Variants in NRXN3 observed in about 807,000 individuals in gnomAD.
The protein encoded by NRXN3 is neurexin 3, also known as neurexin III.
NRXN3 carries 32 observed loss-of-function variants against 137.6 expected under a neutral mutation model. The ratio of observed to expected loss-of-function variants is 0.23; its 90% CI spans 0.18 to 0.31. The LOEUF (loss-of-function observed/expected upper bound fraction) is 0.31, where lower values mean the gene tolerates loss of function less well. NRXN3 is among the 10% of genes least tolerant of loss of function. NRXN3 has a pLI of 1.00. For missense variants in NRXN3, 1,574 were observed against 2,062.5 expected (o/e 0.76, Z 4.59); for synonymous variants, 798 against 784.5 (o/e 1.02, Z -0.29).
intron 8 of NRXN3, among the ~76,000 whole-genome samples, chr14:78,772,412 C>T (rs1440537966): frequency 1.3e-5 from 2 of 152,144 alleles, no homozygotes; most frequent in Non-Finnish European, 2.9e-5. Flanking sequence ...TTCTGATCCT[C>T]CTTGCACTAC....
chr14:79,336,707 A>T (rs991304315), intron 15 of NRXN3, among the ~76,000 whole-genome samples: 3 of 152,188 alleles, frequency 2.0e-5, no homozygotes, highest in Non-Finnish European at 4.4e-5. Flanking sequence ...ATACATTGGA[A>T]GCAAGGCCCC....
At chr14:78,836,908 A>G (rs2098998686) in intron 10 of NRXN3, among the ~76,000 whole-genome samples, 1 of 152,168 alleles carries the variant, frequency 6.6e-6, no homozygotes, top group Non-Finnish European at 1.5e-5. Flanking sequence ...GCCGGAGAAG[A>G]TCCACACTTC....
chr14:79,481,338 G>A (rs1244648579), intron 16 of NRXN3, among the ~76,000 whole-genome samples: 2 of 151,986 alleles, frequency 1.3e-5, no homozygotes, highest in Non-Finnish European at 2.9e-5. Context: ...ATATGCTCAC[G>A]AGTCACTTAA....
intron 19 of NRXN3, among the ~76,000 whole-genome samples, chr14:79,774,775 G>T (rs757941672): frequency 4.6e-5 from 7 of 152,170 alleles, no homozygotes; most frequent in Non-Finnish European, 8.8e-5. Flanking sequence ...GTGCTAAGTA[G>T]ATGACTGATG....
At chr14:79,655,375 C>A (rs748615333) in intron 16 of NRXN3, among the ~76,000 whole-genome samples, 5 of 152,122 alleles carry the variant, frequency 3.3e-5, no homozygotes, top group African/African-American at 1.2e-4. Context: ...GAGAGCTTAT[C>A]GATACATACT....
In NRXN3 at chr14:78,532,844, AT is replaced by A. The variant is rs1320627509; in HGVS notation, c.758-112271del. On this transcript the variant is annotated intron_variant, in intron 4 of 20. Coordinates refer to ENST00000335750, the MANE Select transcript of NRXN3 (RefSeq NM_001330195.2). ...TGAATCATGCCTAGGTCAATGATTT[AT>A]TTTTCCACCAAACTTGCTATTCTTC... Among the ~76,000 whole-genome samples the A allele has an allele frequency of 7.9e-5, 12 of 151,076 alleles. No individual in the cohort carries two copies. In the East Asian group the frequency reaches 1.4e-3, roughly 17 times the overall value.
chr14:78,721,359 C>T (rs768046100), intron 8 of NRXN3, among the ~76,000 whole-genome samples: 14 of 152,108 alleles, frequency 9.2e-5, no homozygotes, highest in Non-Finnish European at 1.8e-4. Flanking sequence ...GGAGATGGAT[C>T]CTCTGACCTT....
At chr14:79,705,418 C>T (rs1041095474) in intron 19 of NRXN3, among the ~76,000 whole-genome samples, 5 of 152,172 alleles carry the variant, frequency 3.3e-5, no homozygotes, top group Admixed American at 6.5e-5. Flanking sequence ...AGGGTGAAAC[C>T]GGTGAGGCAG....
Position 79,580,381 on chromosome 14 carries a change from A to C in NRXN3, c.3445-83397A>C, listed in dbSNP as rs80003530. On this transcript the variant is annotated intron_variant, in intron 16 of 20. Coordinates refer to ENST00000335750, the MANE Select transcript of NRXN3 (RefSeq NM_001330195.2). ...GAATTGTGAAGGGAAAGCAGAATTA[A>C]ATTTTCTGTCTCTTTAAACTCAGTC... 9.9e-3 allele frequency among the ~76,000 whole-genome samples: 1,503 copies of C among 152,028 alleles called. 107 individuals carry two copies. In the East Asian group the frequency reaches 0.21, roughly 21 times the overall value.
intron 4 of NRXN3, among the ~76,000 whole-genome samples, chr14:78,537,777 A>G (rs895302183): frequency 5.3e-5 from 8 of 152,110 alleles, no homozygotes; most frequent in Non-Finnish European, 8.8e-5. Flanking sequence ...ATCTTGAATT[A>G]ATTTTTGTAT....
chr14:78,282,696 G>T (rs921257016), intron 3 of NRXN3, among the ~76,000 whole-genome samples: 1 of 152,094 alleles, frequency 6.6e-6, no homozygotes. Flanking sequence ...CTTGATCTCC[G>T]CCCCGTATTG....
intron 1 of NRXN3, among the ~76,000 whole-genome samples, chr14:78,173,674 G>T (rs2058973358): frequency 8.8e-6 from 1 of 113,104 alleles, no homozygotes; most frequent in Non-Finnish European, 1.8e-5. Context: ...TTCTGATTTT[G>T]ATGGCTCTGC....
At chr14:78,235,352 G>A (rs1035572907) in intron 1 of NRXN3, among the ~76,000 whole-genome samples, 1 of 151,824 alleles carries the variant, frequency 6.6e-6, no homozygotes, top group Non-Finnish European at 1.5e-5. Flanking sequence ...ATGAGATCAG[G>A]CCTGACCTCC....
At chr14:79,679,978 C>A (rs1485446281) in intron 17 of NRXN3, among the ~76,000 whole-genome samples, 1 of 152,056 alleles carries the variant, frequency 6.6e-6, no homozygotes, top group Non-Finnish European at 1.5e-5. Context: ...TTTGGTAACC[C>A]CTTAGTCCCT....
intron 19 of NRXN3, among the ~76,000 whole-genome samples, chr14:79,774,814 T>C (rs1194488568): frequency 3.9e-5 from 6 of 152,182 alleles, no homozygotes; most frequent in Non-Finnish European, 8.8e-5. Flanking sequence ...ATCTTTGCTC[T>C]CTATTTTGTT....
chr14:79,835,294 T>C (rs1286772836), intron 20 of NRXN3, among the ~76,000 whole-genome samples: 1 of 152,260 alleles, frequency 6.6e-6, no homozygotes, highest in Non-Finnish European at 1.5e-5. Context: ...GATAAATATG[T>C]ACAATTTTTA....
intron 16 of NRXN3, among the ~76,000 whole-genome samples, chr14:79,497,956 C>T (rs2096783186): frequency 6.6e-6 from 1 of 152,060 alleles, no homozygotes. Context: ...ATCACTTGAA[C>T]CCAGGATGCA....
intron 15 of NRXN3, among the ~76,000 whole-genome samples, chr14:79,118,089 G>A (rs528993342): frequency 6.6e-6 from 1 of 151,778 alleles, no homozygotes; most frequent in South Asian, 2.1e-4. Flanking sequence ...TGGGACTGTG[G>A]CATTTCAGTA....
intron 15 of NRXN3, among the ~76,000 whole-genome samples, chr14:79,420,866 C>T (rs2095566290): frequency 6.6e-6 from 1 of 152,092 alleles, no homozygotes; most frequent in Non-Finnish European, 1.5e-5. Flanking sequence ...GAACTAATAG[C>T]AGCAAGGAGA....
Sources: allele counts gnomAD v4.1 joint callset (sites outside exome capture counted in the v4.1 genomes callset), GRCh38; gene constraint gnomAD v4.1.1; transcripts MANE v1.5; gene names NCBI Gene and HGNC (gene_info 2026-07-23, HGNC 2026-07-21).